The following WSB2 variants were observed in gnomAD, a reference collection of about 807,000 sequenced individuals.
The protein encoded by WSB2 is WD repeat and SOCS box-containing protein 2.
WSB2 carries 12 observed loss-of-function variants against 48.8 expected under a neutral mutation model. The ratio of observed to expected loss-of-function variants is 0.25; its 90% CI spans 0.16 to 0.40. WSB2 has a LOEUF of 0.40. Among genes scored for constraint, WSB2 ranks in the 10% least tolerant of loss-of-function variants. The probability of loss-of-function intolerance (pLI) is 1.00; values close to 1 mark genes in which losing one functional copy is unlikely to be tolerated. For synonymous variants in WSB2, 191 were observed against 203.1 expected (o/e 0.94, Z 0.51); for missense variants, 317 against 506.2 (o/e 0.63, Z 3.59).
intron 4 of WSB2, among the ~76,000 whole-genome samples, chr12:118,040,788 C>G (rs536580435): frequency 6.6e-6 from 1 of 152,216 alleles, no homozygotes; most frequent in East Asian, 1.9e-4. Flanking sequence ...TGGCTCACGC[C>G]TGTAATCCCA....
intron 4 of WSB2, 86 bp from the exon 5 acceptor site, chr12:118,038,474 C>T: frequency 1.6e-6 from 2 of 1,278,056 alleles, no homozygotes; most frequent in Non-Finnish European, 2.2e-6. Context: ...GGTAACAGCC[C>T]CCAGCCCAGT....
chr12:118,055,029 A>G (rs1247803700), intron 1 of WSB2, among the ~76,000 whole-genome samples: 1 of 151,116 alleles, frequency 6.6e-6, no homozygotes, highest in Non-Finnish European at 1.5e-5. Context: ...AAAAAAAAAA[A>G]AGAAAAAAGA....
At chr12:118,044,379 C>T (rs2031704436) in intron 2 of WSB2, among the ~76,000 whole-genome samples, 1 of 152,200 alleles carries the variant, frequency 6.6e-6, no homozygotes, top group African/African-American at 2.4e-5. Flanking sequence ...CACCACTCTC[C>T]TGCCTGATGA....
intron 4 of WSB2, among the ~76,000 whole-genome samples, chr12:118,041,333 G>A (rs1262560340): frequency 6.6e-6 from 1 of 152,152 alleles, no homozygotes; most frequent in African/African-American, 2.4e-5. Context: ...CAGAGAGAAG[G>A]TGGCTGTTTA....
chr12:118,036,176 T>A (rs541401813), intron 6 of WSB2, 162 bp downstream of exon 6: 2 of 858,958 alleles, frequency 2.3e-6, no homozygotes, highest in South Asian at 3.8e-5. Flanking sequence ...CACTCCAGCC[T>A]GGGTGACAGA....
At chr12:118,055,894 T>G (rs1256815761) in intron 1 of WSB2, among the ~76,000 whole-genome samples, 1 of 150,236 alleles carries the variant, frequency 6.7e-6, no homozygotes, top group Admixed American at 6.7e-5. Flanking sequence ...GGATTACAGG[T>G]GTAAACCACC....
chr12:118,038,517 G>C lies in WSB2; in HGVS notation c.560-129C>G, dbSNP rs1048383111. ...TCAGCTCCTATCAGCTGGGCCCAAG[G>C]GTCCAATTTTTAATTCAGAGTAAGA... On this transcript the variant is annotated intron_variant, in intron 4 of 8. Transcript: ENST00000315436. The C allele has an allele frequency of 4.1e-6, 3 of 725,208 alleles. No homozygotes were observed. The African/African-American group carries it at 5.4e-5, about 13-fold the overall frequency. The allele number at this position is 725,208 out of a possible 1,614,324, so 44.9% of individuals were successfully genotyped here. A position where few individuals can be genotyped will look rare whatever the true frequency, so the allele number is the denominator to read the frequency against.
At chr12:118,047,617 G>A (rs576600079) in intron 2 of WSB2, among the ~76,000 whole-genome samples, 129 of 152,300 alleles carry the variant, frequency 8.5e-4, no homozygotes, top group African/African-American at 3.0e-3. Flanking sequence ...GGAAGCTGAG[G>A]TGGGAGGATC....
chr12:118,034,583 G>GTCTCTCTCTCTCTCTCTCTCTCTCTCTC (rs10624358), intron 8 of WSB2: 2 of 538,150 alleles, frequency 3.7e-6, no homozygotes, highest in Non-Finnish European at 6.4e-6. Context: ...CGCTCTCTCT[G>GTCTCTCTCTCTCTCTCTCTCTCTCTCTC]TCTCTCTCTC....
At position 118,060,957 on chromosome 12, in the gene WSB2, C is replaced by CCCCCG; in HGVS notation, c.13+78_13+79insCGGGG. On this transcript the variant is annotated intron_variant, in intron 1 of 8. Transcript: ENST00000315436. This position sits in a 1 kb window ranked among gnomAD's most constrained non-coding sequence, Gnocchi z 4.1. The stretch of plus-strand genomic sequence containing the variant: ...CCGCCCCACCCCGCCCAGCCCGCCC[C>CCCCCG]GGGGTCGCCTCCCCCCTCCCCGGGG... 1.1e-5 allele frequency: 8 copies of CCCCCG among 719,534 alleles called. No homozygotes were observed. Among genetic ancestry groups the CCCCCG allele is most frequent in the South Asian group, 5.9e-5 (1 of 16,838 alleles). The allele number at this position is 719,534 out of a possible 1,614,324, so 44.6% of individuals were successfully genotyped here. A position where few individuals can be genotyped will look rare whatever the true frequency, so the allele number is the denominator to read the frequency against.
At chr12:118,061,885 T>G (rs1593478535), upstream of WSB2, among the ~76,000 whole-genome samples, 5 of 92,162 alleles carry the variant, frequency 5.4e-5, no homozygotes, top group Admixed American at 4.0e-4. Context: ...AATAACCGGG[T>G]GCTGGGGAGG....
chr12:118,060,973 C>T lies in WSB2; in HGVS notation c.13+63G>A, dbSNP rs1487561404. On this transcript the variant is annotated intron_variant, in intron 1 of 8. Coordinates refer to ENST00000315436, the MANE Select transcript of WSB2 (RefSeq NM_018639.5). This position sits in a 1 kb window ranked among gnomAD's most constrained non-coding sequence, Gnocchi z 4.1. ...AGCCCGCCCCGGGGTCGCCTCCCCC[C>T]TCCCCGGGGAGAACGGGCCAGGGCC... 1.2e-6 allele frequency: 1 copy of T among 852,914 alleles called. No individual in the cohort carries two copies. The highest frequency in any genetic ancestry group is 1.8e-5 in the African/African-American group (1 of 54,540). 52.8% of individuals were successfully genotyped at this position (852,914 alleles called of 1,614,324 possible).
At chr12:118,038,410 C>G in intron 4 of WSB2, 22 bp from the exon 5 acceptor site, 2 of 1,610,242 alleles carry the variant, frequency 1.2e-6, no homozygotes, top group Non-Finnish European at 1.7e-6. Flanking sequence ...AAGAAGCAAA[C>G]AATGAGCCAG....
Position 118,043,075 on chromosome 12 carries a change from A to G in WSB2, c.427+58T>C, listed in dbSNP as rs1049243768. ...AACGTGAGTGGGGCAGGGAGGCGAC[A>G]TAGTCAGAACATGCACCCGAGCCTC... On this transcript the variant is annotated intron_variant, in intron 3 of 8. Transcript: ENST00000315436. 13 of 1,613,976 alleles carry G rather than the reference A, an allele frequency of 8.1e-6. No homozygotes were observed. The African/African-American group carries it at 1.6e-4, about 20-fold the overall frequency.
At chr12:118,055,485 G>T (rs2031939139) in intron 1 of WSB2, among the ~76,000 whole-genome samples, 1 of 152,042 alleles carries the variant, frequency 6.6e-6, no homozygotes, top group African/African-American at 2.4e-5. Context: ...CAGTGCTCTG[G>T]GAGGCAGAGG....
chr12:118,049,496 G>A (rs1185684100), intron 2 of WSB2, among the ~76,000 whole-genome samples: 1 of 151,872 alleles, frequency 6.6e-6, no homozygotes. Flanking sequence ...CCGCCTCCCA[G>A]GTTCACGCGA....
At chr12:118,054,222 A>C (rs1389178696) in intron 1 of WSB2, among the ~76,000 whole-genome samples, 16 of 147,164 alleles carry the variant, frequency 1.1e-4, no homozygotes, top group South Asian at 2.1e-4. Context: ...AAATCCAAAA[A>C]AAAAAAAAAA....
chr12:118,044,417 C>T (rs915180219), intron 2 of WSB2, among the ~76,000 whole-genome samples: 1 of 152,154 alleles, frequency 6.6e-6, no homozygotes, highest in African/African-American at 2.4e-5. Flanking sequence ...TTAGAAATCC[C>T]CAAGGAGTTG....
rs1034671873 is a variant in WSB2 at position 118,034,188 on chromosome 12, G to A, written c.*8C>T. On this transcript the variant is annotated 3_prime_UTR_variant, in exon 9 of 9. Transcript: ENST00000315436. ...CCTGCTACAAAGAAGCACAAGATGT[G>A]GTGTTGCTTAAAAAGTCCTGTATGT... The A allele has an allele frequency of 8.1e-6, 13 of 1,614,054 alleles. No individual in the cohort carries two copies. Among genetic ancestry groups the A allele is most frequent in the Middle Eastern group, 1.7e-4 (1 of 6,044 alleles).
Sources: allele counts gnomAD v4.1 joint callset (sites outside exome capture counted in the v4.1 genomes callset), GRCh38; gene constraint gnomAD v4.1.1; non-coding constraint Gnocchi (gnomAD v3.1); transcripts MANE v1.5; gene names NCBI Gene and HGNC (gene_info 2026-07-23, HGNC 2026-07-21).